Variants in CNBD1 observed in about 807,000 individuals in gnomAD.
CNBD1 encodes cyclic nucleotide binding domain containing 1, also known as cyclic nucleotide-binding domain-containing protein 1.
Under a neutral mutation model 54.4 loss-of-function variants are expected in CNBD1, and 71 were observed. The observed-to-expected ratio is 1.30, with a 90% CI of 1.08 to 1.59. CNBD1 has a LOEUF of 1.59. Ranked by LOEUF, CNBD1 falls within the 40% of genes most tolerant of loss-of-function variation. CNBD1 has a pLI of 0.00. For missense variants in CNBD1, 659 were observed against 518.0 expected, an observed-to-expected ratio of 1.27 and a Z score of -2.64; for synonymous variants, 182 against 170.7, an observed-to-expected ratio of 1.07 and a Z score of -0.51.
chr8:87,166,395 G>A lies in CNBD1; in HGVS notation c.432-39598G>A, dbSNP rs1261764039. ...CTTCAATAGCCTCCTTGGCAGGTTT[G>A]TATCTTCCACTACTTCTGCATGCCA... On this transcript the variant is annotated intron_variant, in intron 4 of 10. Transcript: ENST00000518476. The surrounding 1 kb of genome is among the most constrained non-coding windows in gnomAD (Gnocchi z 4.3). Among the ~76,000 whole-genome samples the A allele has an allele frequency of 6.6e-6, 1 of 151,936 alleles. No individual in the cohort carries two copies. The highest frequency in any genetic ancestry group is 1.5e-5 in the Non-Finnish European group (1 of 67,932).
chr8:87,366,179 A>T (rs979590573), intron 10 of CNBD1, among the ~76,000 whole-genome samples: 26 of 152,096 alleles, frequency 1.7e-4, no homozygotes, highest in Admixed American at 6.6e-5. Flanking sequence ...TTTGTAGGTC[A>T]GATGTCTGGG....
chr8:87,380,502 T>C (rs60016778), intron 10 of CNBD1, among the ~76,000 whole-genome samples: 8,893 of 152,050 alleles, frequency 0.058, 812 homozygotes, highest in African/African-American at 0.2. Flanking sequence ...TTATGTGTAA[T>C]TTTTTATGGT....
intron 6 of CNBD1, among the ~76,000 whole-genome samples, chr8:87,243,736 G>A (rs2336981): frequency 0.71 from 107,465 of 152,004 alleles, 38,584 homozygotes; most frequent in African/African-American, 0.79. Flanking sequence ...TAAATTATTC[G>A]TGACACAAAA....
chr8:87,276,384 T>A (rs1808480389), intron 6 of CNBD1, among the ~76,000 whole-genome samples: 1 of 151,754 alleles, frequency 6.6e-6, no homozygotes, highest in Admixed American at 6.6e-5. Flanking sequence ...ATGTAGAAAT[T>A]TTTGGTTTAC....
intron 2 of CNBD1, among the ~76,000 whole-genome samples, chr8:87,411,617 G>A (rs555730266): frequency 1.3e-5 from 2 of 148,994 alleles, no homozygotes; most frequent in South Asian, 4.2e-4. Flanking sequence ...TGACAGTTTT[G>A]TAGTCTTTTC....
At chr8:86,973,266 A>G (rs1296695093) in intron 4 of CNBD1, among the ~76,000 whole-genome samples, 1 of 152,034 alleles carries the variant, frequency 6.6e-6, no homozygotes, top group African/African-American at 2.4e-5. Context: ...CCACTTTTCA[A>G]TTTCTTCTCT....
intron 4 of CNBD1, among the ~76,000 whole-genome samples, chr8:86,944,252 T>G (rs1032797410): frequency 1.3e-5 from 2 of 152,240 alleles, no homozygotes; most frequent in African/African-American, 4.8e-5. Flanking sequence ...ATCCATTAAT[T>G]AATGAATCCA....
chr8:87,146,970 A>G (rs1812503762), intron 4 of CNBD1, among the ~76,000 whole-genome samples: 1 of 152,176 alleles, frequency 6.6e-6, no homozygotes, highest in African/African-American at 2.4e-5. Context: ...GTGGCTTTCT[A>G]TGATACTTAA....
At chr8:87,353,832 G>A (rs888557227) in intron 10 of CNBD1, 46 bp downstream of exon 10, 1 of 1,467,468 alleles carries the variant, frequency 6.8e-7, no homozygotes, top group Admixed American at 2.2e-5. Flanking sequence ...TTTATTGGAT[G>A]AGTTCTTAAA....
rs146601484 is a variant in CNBD1, at chr8:86,908,572, C to T, written c.272+3378C>T. On this transcript the variant is annotated intron_variant, in intron 3 of 10. Transcript: ENST00000518476. ...TGTGCTAGTTTTCATTATTATCATG[C>T]ACTATAAATGGCAATGATGTTTTAT... Among the ~76,000 whole-genome samples, 7 of 152,200 alleles carry T rather than the reference C, an allele frequency of 4.6e-5. No homozygotes were observed. In the East Asian group the frequency reaches 1.4e-3, roughly 29 times the overall value.
intron 4 of CNBD1, among the ~76,000 whole-genome samples, chr8:86,963,060 T>C (rs1807973602): frequency 6.6e-6 from 1 of 152,104 alleles, no homozygotes; most frequent in African/African-American, 2.4e-5. Flanking sequence ...CTTCCCTTTG[T>C]TCCTCTCTCT....
At chr8:87,253,024 G>C (rs1586365438) in intron 6 of CNBD1, among the ~76,000 whole-genome samples, 1 of 152,078 alleles carries the variant, frequency 6.6e-6, no homozygotes, top group Non-Finnish European at 1.5e-5. Context: ...AAATTCAGTG[G>C]ACAATGAATA....
intron 8 of CNBD1, among the ~76,000 whole-genome samples, chr8:87,328,351 C>G (rs1809737495): frequency 1.3e-5 from 2 of 151,636 alleles, no homozygotes; most frequent in Non-Finnish European, 2.9e-5. Flanking sequence ...TTTGTTTAAT[C>G]TTTTAACTAC....
intron 4 of CNBD1, among the ~76,000 whole-genome samples, chr8:86,983,914 G>A (rs1352152197): frequency 6.6e-6 from 1 of 152,178 alleles, no homozygotes; most frequent in Non-Finnish European, 1.5e-5. Flanking sequence ...GCCAATTGCA[G>A]AAATGTGCCT....
intron 2 of CNBD1, among the ~76,000 whole-genome samples, chr8:87,388,124 A>C (rs1191383587): frequency 6.6e-6 from 1 of 152,246 alleles, no homozygotes; most frequent in Non-Finnish European, 1.5e-5. Context: ...GGAAATTTAT[A>C]GCACTAAATG....
rs201041747 is a variant in CNBD1 at position 87,062,674 on chromosome 8, A to G, written c.431+122920A>G. Among the ~76,000 whole-genome samples, 11 of 151,884 alleles carry G rather than the reference A, an allele frequency of 7.2e-5. No individual in the cohort carries two copies. In the East Asian group the frequency reaches 2.1e-3, roughly 30 times the overall value. Reference sequence around the variant, plus strand: ...AATCCCTTGAACTCGGGAGGCAGCGATTGCGGTGAGCCAAGATCACCGTTG... The same window carrying G: ...AATCCCTTGAACTCGGGAGGCAGCGGTTGCGGTGAGCCAAGATCACCGTTG... On this transcript the variant is annotated intron_variant, in intron 4 of 10. Coordinates refer to ENST00000518476, the MANE Select transcript of CNBD1 (RefSeq NM_173538.3).
chr8:87,319,795 G>A lies in CNBD1; in HGVS notation c.1043-31890G>A, dbSNP rs982381360. 3.3e-5 allele frequency among the ~76,000 whole-genome samples: 5 copies of A among 152,044 alleles called. No individual in the cohort carries two copies. The Middle Eastern group carries it at 0.01, about 312-fold the overall frequency. ...GGGTTTGAATTAACCATTCAAAAAA[G>A]CGTTTCTATATAGCTCATAAATGTT... On this transcript the variant is annotated intron_variant, in intron 8 of 10. Coordinates refer to ENST00000518476, the MANE Select transcript of CNBD1 (RefSeq NM_173538.3).
intron 4 of CNBD1, among the ~76,000 whole-genome samples, chr8:87,177,067 A>G (rs1813216070): frequency 1.3e-5 from 2 of 152,190 alleles, no homozygotes; most frequent in African/African-American, 4.8e-5. Flanking sequence ...TACCAACTAT[A>G]TAAATGTACA....
intron 4 of CNBD1, among the ~76,000 whole-genome samples, chr8:87,023,468 T>A (rs1809531538): frequency 6.6e-6 from 1 of 152,220 alleles, no homozygotes; most frequent in Non-Finnish European, 1.5e-5. Flanking sequence ...TTTTACATTT[T>A]GACTTTTTGC....
Sources: gnomAD v4.1 joint callset for allele counts (sites outside exome capture counted in the v4.1 genomes callset) on GRCh38, gnomAD v4.1.1 for gene constraint, Gnocchi (gnomAD v3.1) non-coding constraint, MANE v1.5 for transcripts, NCBI Gene and HGNC (gene_info 2026-07-23, HGNC 2026-07-21) for gene names.